Variants in SHOC2 observed in about 807,000 individuals in gnomAD.
The protein encoded by SHOC2 is SHOC2 leucine rich repeat scaffold protein.
A neutral mutation model predicts 50.2 loss-of-function variants in SHOC2; 4 were observed. The observed-to-expected ratio is 0.08, with a 90% CI of 0.04 to 0.18. SHOC2 has a LOEUF of 0.18. Among genes scored for constraint, SHOC2 ranks in the 10% least tolerant of loss-of-function variants. The pLI, the probability that SHOC2 is intolerant of heterozygous loss-of-function variation, is 1.00. For synonymous variants in SHOC2, 218 were observed against 244.5 expected (o/e 0.89, Z 1.01); for missense variants, 388 against 669.6 (o/e 0.58, Z 4.64).
chr10:111,000,649 A>T lies in SHOC2; in HGVS notation c.972+104A>T, dbSNP rs1467481821. ...CAGGGTAAATAATTTGGTGATTGAG[A>T]TTGTTTAAATAATGAGTATGCTGTG... is the stretch of plus-strand genomic sequence containing the variant. On this transcript the variant is annotated intron_variant, in intron 4 of 8. Transcript: ENST00000369452. 3 of 1,040,280 alleles carry T rather than the reference A, an allele frequency of 2.9e-6. No individual in the cohort carries two copies. In the East Asian group the frequency reaches 7.7e-5, roughly 27 times the overall value. The allele number at this position is 1,040,280 out of a possible 1,614,324, so 64.4% of individuals were successfully genotyped here. A position where few individuals can be genotyped will look rare whatever the true frequency, so the allele number is the denominator to read the frequency against.
At chr10:110,934,277 T>G (rs536476908) in intron 1 of SHOC2, among the ~76,000 whole-genome samples, 2 of 152,270 alleles carry the variant, frequency 1.3e-5, no homozygotes, top group East Asian at 3.9e-4. Context: ...ATTATATATC[T>G]TGGTGAAAAC....
chr10:110,957,536 C>G (rs564515064), intron 1 of SHOC2, among the ~76,000 whole-genome samples: 11 of 149,368 alleles, frequency 7.4e-5, no homozygotes, highest in East Asian at 2.1e-4. Flanking sequence ...GAAGATACCC[C>G]CCCCCCAGCC....
chr10:110,964,853 T>C lies in SHOC2; in HGVS notation c.495T>C (p.Leu165=), dbSNP rs1041820407. 5.0e-6 allele frequency: 8 copies of C among 1,613,926 alleles called. No individual in the cohort carries two copies. Among genetic ancestry groups the C allele is most frequent in the Non-Finnish European group, 6.8e-6 (8 of 1,179,958 alleles). The change falls in exon 2 of 9, where the codon CTT becomes CTC. Residue 165 remains leucine (L), a synonymous_variant. Coordinates refer to ENST00000369452, the MANE Select transcript of SHOC2 (RefSeq NM_007373.4). The surrounding 1 kb of genome is among the most constrained non-coding windows in gnomAD (Gnocchi z 4.9). ...CACTTACCAGTTTGCCTGACTCTCT[T>C]GATAACTTGAAGAAGCTGCGGATGC... is the stretch of plus-strand genomic sequence containing the variant. ...ENSLTSLPDS[L]DNLKKLRMLD...
chr10:111,003,551 T>C (rs1318459561), intron 4 of SHOC2, among the ~76,000 whole-genome samples: 2 of 152,172 alleles, frequency 1.3e-5, no homozygotes, highest in South Asian at 2.1e-4. Flanking sequence ...CCATAAAATA[T>C]TATTATTTAA....
intron 1 of SHOC2, among the ~76,000 whole-genome samples, chr10:110,939,294 C>CTGTA (rs1455865175): frequency 2.6e-5 from 4 of 152,080 alleles, no homozygotes; most frequent in Non-Finnish European, 5.9e-5. Flanking sequence ...TCATGGCTCA[C>CTGTA]TGTAGCTCCT....
At chr10:110,991,968 C>T (rs1185970586) in intron 3 of SHOC2, among the ~76,000 whole-genome samples, 1 of 152,178 alleles carries the variant, frequency 6.6e-6, no homozygotes, top group East Asian at 1.9e-4. Flanking sequence ...CTCTCTTTTC[C>T]TTGGACTAAA....
intron 4 of SHOC2, among the ~76,000 whole-genome samples, chr10:111,002,971 ACTC>A (rs1848407128): frequency 6.6e-6 from 1 of 151,154 alleles, no homozygotes; most frequent in Non-Finnish European, 1.5e-5. Flanking sequence ...GCTCAGTAAA[ACTC>A]CTTTATTTTC....
chr10:110,981,849 T>C (rs1847982452), intron 2 of SHOC2, among the ~76,000 whole-genome samples: 1 of 1,046 alleles, frequency 9.6e-4, no homozygotes, highest in Non-Finnish European at 0.014. Flanking sequence ...TTTTCTTATT[T>C]ATTTATTTAT....
In SHOC2 at chr10:110,985,633, T is replaced by C; in HGVS notation, c.709T>C (p.Leu237=). ...TTATGTTGGTCAATTTACAGGTGAATTATGTAACCTCATTACGCTGGATGT... is the reference window on the plus strand; with the variant it reads ...TTATGTTGGTCAATTTACAGGTGAACTATGTAACCTCATTACGCTGGATGT... ...IKQLPAEIGE[L]CNLITLDVAH... is the part of the protein sequence containing the mutation. Residue 237 remains leucine (L), a synonymous_variant, in exon 3 of 9, where the codon TTA becomes CTA. Transcript: ENST00000369452. 2 of 1,609,444 alleles carry C rather than the reference T, an allele frequency of 1.2e-6. No homozygotes were observed. Among genetic ancestry groups the C allele is most frequent in the Non-Finnish European group, 1.7e-6 (2 of 1,176,916 alleles).
chr10:110,998,908 C>T (rs969517818), intron 3 of SHOC2, among the ~76,000 whole-genome samples: 3 of 152,196 alleles, frequency 2.0e-5, no homozygotes, highest in Non-Finnish European at 2.9e-5. Flanking sequence ...GGAGTGCCCT[C>T]TTAAGGTGTC....
intron 1 of SHOC2, among the ~76,000 whole-genome samples, chr10:110,930,757 G>A (rs1171756146): frequency 3.6e-5 from 1 of 27,640 alleles, no homozygotes; most frequent in Non-Finnish European, 9.8e-5. Context: ...TTTTGGTAGT[G>A]TTTGTGTGGC....
intron 3 of SHOC2, among the ~76,000 whole-genome samples, chr10:110,996,153 G>T (rs1343141882): frequency 6.6e-6 from 1 of 152,176 alleles, no homozygotes; most frequent in Non-Finnish European, 1.5e-5. Context: ...TAGCTTGATG[G>T]GTGGAGGTAT....
chr10:110,941,684 T>A (rs1847148298), intron 1 of SHOC2, among the ~76,000 whole-genome samples: 1 of 152,192 alleles, frequency 6.6e-6, no homozygotes, highest in Non-Finnish European at 1.5e-5. Context: ...AATACATGGT[T>A]TGCAAATATT....
At position 111,004,664 on chromosome 10, in the gene SHOC2, A is replaced by C; in HGVS notation, c.1031A>C (p.Gln344Pro). The change falls in exon 5 of 9, where the codon CAG (glutamine) becomes CCG (proline). Residue 344 changes from glutamine to proline, a missense_variant. Gln to Pro is a moderately conservative substitution (Grantham distance 76). This residue lies in a region of SHOC2 where 48 missense variants were observed against 151.6 expected (regional missense o/e 0.32). Coordinates refer to ENST00000369452, the MANE Select transcript of SHOC2 (RefSeq NM_007373.4). ...TTGACCTTAGCTAGAAATTGCTTCC[A>C]GTTGTATCCAGTGGGTGGTCCATCT... ...NSLTLARNCF[Q>P]LYPVGGPSQF... 1 of 1,613,352 alleles carries C rather than the reference A, an allele frequency of 6.2e-7. No homozygotes were observed. The highest frequency in any genetic ancestry group is 8.5e-7 in the Non-Finnish European group (1 of 1,179,302).
At chr10:110,959,327 G>T (rs764972304) in intron 1 of SHOC2, among the ~76,000 whole-genome samples, 2 of 152,172 alleles carry the variant, frequency 1.3e-5, no homozygotes, top group Non-Finnish European at 2.9e-5. Flanking sequence ...TGCAGTTTTT[G>T]TGTAAAATGG....
At position 111,004,686 on chromosome 10, in the gene SHOC2, A is replaced by C. The variant is rs1848437494; in HGVS notation, c.1053A>C (p.Pro351=). ...TCCAGTTGTATCCAGTGGGTGGTCC[A>C]TCTCAGTTTTCTACCATCTATTCCC... is the stretch of plus-strand genomic sequence containing the variant. The part of the protein sequence containing the change: ...NCFQLYPVGG[P]SQFSTIYSLN... The change falls in exon 5 of 9, where the codon CCA becomes CCC. Residue 351 remains proline, a synonymous_variant. Transcript: ENST00000369452. The C allele has an allele frequency of 1.2e-6, 2 of 1,613,252 alleles. No individual in the cohort carries two copies. Among genetic ancestry groups the C allele is most frequent in the Non-Finnish European group, 1.7e-6 (2 of 1,179,196 alleles).
At chr10:110,933,100 TATAG>T (rs1315888963) in intron 1 of SHOC2, among the ~76,000 whole-genome samples, 1 of 152,162 alleles carries the variant, frequency 6.6e-6, no homozygotes, top group Non-Finnish European at 1.5e-5. Context: ...CTGATTATTA[TATAG>T]ATCTTTTATG....
intron 1 of SHOC2, among the ~76,000 whole-genome samples, chr10:110,947,776 A>AG (rs1847275534): frequency 6.6e-6 from 1 of 152,050 alleles, no homozygotes; most frequent in Admixed American, 6.5e-5. Context: ...CAAAAAAAAA[A>AG]AAAAAATCAA....
At chr10:110,997,385 C>A (rs1004324646) in intron 3 of SHOC2, among the ~76,000 whole-genome samples, 1 of 152,078 alleles carries the variant, frequency 6.6e-6, no homozygotes, top group Non-Finnish European at 1.5e-5. Flanking sequence ...AAAATGTAGA[C>A]AAAATGAAAC....
Sources: gnomAD v4.1 joint callset for allele counts (sites outside exome capture counted in the v4.1 genomes callset) on GRCh38, gnomAD v4.1.1 for gene constraint, gnomAD v4.1.1 regional missense constraint, Gnocchi (gnomAD v3.1) non-coding constraint, MANE v1.5 for transcripts, NCBI Gene and HGNC (gene_info 2026-07-23, HGNC 2026-07-21) for gene names.